The following PROS1 variants were observed in gnomAD, a reference collection of about 807,000 sequenced individuals.
PROS1 encodes protein S.
PROS1 carries 29 observed loss-of-function variants against 75.9 expected under a neutral mutation model. The ratio of observed to expected loss-of-function variants is 0.38; its 90% CI spans 0.28 to 0.52. The LOEUF is 0.52. Among genes scored for constraint, PROS1 ranks in the 20% least tolerant of loss-of-function variants. The probability of loss-of-function intolerance (pLI) is 0.83; values close to 1 mark genes in which losing one functional copy is unlikely to be tolerated. For missense variants in PROS1, 680 were observed against 810.3 expected, an observed-to-expected ratio of 0.84 and a Z score of 1.95; for synonymous variants, 245 against 280.6, an observed-to-expected ratio of 0.87 and a Z score of 1.27.
At chr3:93,956,310 G>A (rs1709596862) in intron 1 of PROS1, among the ~76,000 whole-genome samples, 1 of 151,994 alleles carries the variant, frequency 6.6e-6, no homozygotes, top group South Asian at 2.1e-4. Context: ...CTATTAAATT[G>A]TGTATTTTCA....
rs577785968 is a variant in PROS1, at chr3:93,883,698, G to A, written c.1492+1030C>T. Among the ~76,000 whole-genome samples the A allele has an allele frequency of 1.1e-4, 17 of 152,128 alleles. No individual in the cohort carries two copies. In the East Asian group the frequency reaches 2.1e-3, roughly 19 times the overall value. ...ATTTTGAAAATCTGAGGCTGGGTGC[G>A]GTGGCTCACACCTGTAATCCCAGCA... is the stretch of plus-strand genomic sequence containing the variant. On this transcript the variant is annotated intron_variant, in intron 12 of 14. Coordinates refer to ENST00000394236, the MANE Select transcript of PROS1 (RefSeq NM_000313.4).
chr3:93,946,283 T>C (rs1709396598), intron 1 of PROS1, among the ~76,000 whole-genome samples: 1 of 152,176 alleles, frequency 6.6e-6, no homozygotes, highest in Non-Finnish European at 1.5e-5. Context: ...AATGACTTTC[T>C]TCACAGAATC....
chr3:93,900,260 G>C (rs1197712038), intron 7 of PROS1, among the ~76,000 whole-genome samples: 1 of 152,134 alleles, frequency 6.6e-6, no homozygotes, highest in African/African-American at 2.4e-5. Flanking sequence ...TGACATTACC[G>C]ATCAGTATTT....
intron 12 of PROS1, among the ~76,000 whole-genome samples, chr3:93,884,421 T>C (rs1708316467): frequency 2.0e-5 from 3 of 152,226 alleles, no homozygotes; most frequent in Admixed American, 6.5e-5. Context: ...GATGCATTCA[T>C]TGATAGACTC....
At chr3:93,943,917 C>T (rs112795902) in intron 1 of PROS1, among the ~76,000 whole-genome samples, 4 of 152,300 alleles carry the variant, frequency 2.6e-5, no homozygotes, top group African/African-American at 9.6e-5. Flanking sequence ...CTGTAATTTT[C>T]CACTACCTAC....
At chr3:93,942,810 C>A (rs1208573391) in intron 1 of PROS1, among the ~76,000 whole-genome samples, 1 of 152,136 alleles carries the variant, frequency 6.6e-6, no homozygotes, top group Non-Finnish European at 1.5e-5. Flanking sequence ...TCTCAGTGTT[C>A]CATCTGCTCT....
chr3:93,944,471 C>G (rs1298219141), intron 1 of PROS1, among the ~76,000 whole-genome samples: 2 of 152,128 alleles, frequency 1.3e-5, no homozygotes, highest in African/African-American at 2.4e-5. Context: ...GACCACAATG[C>G]AATCAAACTA....
chr3:93,945,251 T>G (rs933645829), intron 1 of PROS1, among the ~76,000 whole-genome samples: 8 of 152,194 alleles, frequency 5.3e-5, no homozygotes, highest in African/African-American at 1.4e-4. Context: ...GTACCATTCC[T>G]TCTGAAACTA....
chr3:93,917,819 C>G (rs1466837096), intron 3 of PROS1, among the ~76,000 whole-genome samples: 5 of 152,178 alleles, frequency 3.3e-5, no homozygotes, highest in Non-Finnish European at 7.4e-5. Flanking sequence ...TAGCTGCCTC[C>G]CTGCAGGGCA....
chr3:93,946,190 T>C (rs1202252022), intron 1 of PROS1, among the ~76,000 whole-genome samples: 1 of 152,178 alleles, frequency 6.6e-6, no homozygotes, highest in African/African-American at 2.4e-5. Flanking sequence ...TCCATGCTCA[T>C]GGGTAGGAAG....
In PROS1 at chr3:93,927,424, G is replaced by A. The variant is rs1162591963; in HGVS notation, c.77-17C>T. 3 of 1,611,678 alleles carry A rather than the reference G, an allele frequency of 1.9e-6. No individual in the cohort carries two copies. The highest frequency in any genetic ancestry group is 2.7e-5 in the African/African-American group (2 of 74,786). ...TTGACAAAACTGAAGGAAACAATCA[G>A]TTTATATGAATTAATCATTTTTCCA... is the stretch of plus-strand genomic sequence containing the variant. On this transcript the variant is annotated splice_polypyrimidine_tract_variant and intron_variant, in intron 1 of 14. Coordinates refer to ENST00000394236, the MANE Select transcript of PROS1 (RefSeq NM_000313.4).
At chr3:93,914,016 T>A (rs1455862167) in intron 3 of PROS1, among the ~76,000 whole-genome samples, 1 of 152,262 alleles carries the variant, frequency 6.6e-6, no homozygotes, top group Non-Finnish European at 1.5e-5. Context: ...CTCTATGTCC[T>A]GACTTCTGAG....
rs1469378625 is a variant in PROS1, at chr3:93,892,924, C to T, written c.1155+9G>A. 6.2e-7 allele frequency: 1 copy of T among 1,607,954 alleles called. No homozygotes were observed. Among genetic ancestry groups the T allele is most frequent in the Admixed American group, 1.7e-5 (1 of 59,980 alleles). ...AGTGGGAAGATATTGATGAAATCTG[C>T]AAACGTACCATATTCCATAGACCAT... is the stretch of plus-strand genomic sequence containing the variant. On this transcript the variant is annotated intron_variant, in intron 10 of 14. Transcript: ENST00000394236.
chr3:93,953,782 C>A (rs1709549229), intron 1 of PROS1, among the ~76,000 whole-genome samples: 1 of 151,992 alleles, frequency 6.6e-6, no homozygotes. Context: ...AGAGGAAGTC[C>A]AATTGCCCCT....
At chr3:93,954,775 C>A (rs1035968064) in intron 1 of PROS1, among the ~76,000 whole-genome samples, 2 of 152,170 alleles carry the variant, frequency 1.3e-5, no homozygotes, top group African/African-American at 4.8e-5. Context: ...AAACTACCAT[C>A]AGAGTGAACA....
chr3:93,952,722 T>G (rs1452603485), intron 1 of PROS1, among the ~76,000 whole-genome samples: 3 of 151,912 alleles, frequency 2.0e-5, no homozygotes, highest in Non-Finnish European at 4.4e-5. Context: ...AAGAAATAAC[T>G]AAGATCAGAG....
At chr3:93,944,789 C>G (rs1406940459) in intron 1 of PROS1, among the ~76,000 whole-genome samples, 1 of 151,726 alleles carries the variant, frequency 6.6e-6, no homozygotes, top group Non-Finnish European at 1.5e-5. Context: ...TAGCAGAAGG[C>G]AAGAAATAAC....
At chr3:93,874,791 GC>G (rs1252797015) in intron 14 of PROS1, among the ~76,000 whole-genome samples, 2 of 151,954 alleles carry the variant, frequency 1.3e-5, no homozygotes, top group Non-Finnish European at 2.9e-5. Flanking sequence ...CCAAATTATA[GC>G]TACTTGGGAA....
intron 3 of PROS1, among the ~76,000 whole-genome samples, chr3:93,923,045 T>C (rs1344616346): frequency 1.3e-5 from 2 of 152,200 alleles, no homozygotes; most frequent in Non-Finnish European, 2.9e-5. Context: ...GCTAAACAAC[T>C]TGTTTAATCT....
Sources: gnomAD v4.1 joint callset for allele counts (sites outside exome capture counted in the v4.1 genomes callset) on GRCh38, gnomAD v4.1.1 for gene constraint, MANE v1.5 for transcripts, NCBI Gene and HGNC (gene_info 2026-07-23, HGNC 2026-07-21) for gene names.